The following SLC44A1 variants were observed in gnomAD, a reference collection of about 807,000 sequenced individuals.
SLC44A1 encodes the protein solute carrier family 44 member 1.
Under a neutral mutation model 79.3 loss-of-function variants are expected in SLC44A1, and 26 were observed. That is an observed-to-expected ratio of 0.33 (90% CI 0.24 to 0.46). The LOEUF (loss-of-function observed/expected upper bound fraction) is 0.46, where lower values mean the gene tolerates loss of function less well. Ranked by LOEUF, SLC44A1 falls within the 20% of genes least tolerant of loss-of-function variation. SLC44A1 has a pLI of 1.00. For missense variants in SLC44A1, 688 were observed against 798.1 expected, an observed-to-expected ratio of 0.86 and a Z score of 1.66; for synonymous variants, 263 against 286.2, an observed-to-expected ratio of 0.92 and a Z score of 0.82.
intron 7 of SLC44A1, among the ~76,000 whole-genome samples, chr9:105,358,829 C>G (rs1317120401): frequency 2.0e-5 from 3 of 152,034 alleles, no homozygotes; most frequent in African/African-American, 7.2e-5. Context: ...ACTATGTTTT[C>G]TTTGGTTATC....
In SLC44A1 at chr9:105,389,583, A is replaced by G; in HGVS notation, c.*527A>G. 8.8e-7 allele frequency: 1 copy of G among 1,131,340 alleles called. No homozygotes were observed. The highest frequency in any genetic ancestry group is 1.1e-6 in the Non-Finnish European group (1 of 924,270). The allele number at this position is 1,131,340 out of a possible 1,614,324, so 70.1% of individuals were successfully genotyped here. On this transcript the variant is annotated 3_prime_UTR_variant, in exon 16 of 16. Transcript: ENST00000374720. The stretch of plus-strand genomic sequence containing the variant: ...CCAATCAGTTTTCCCCAATCAAAGA[A>G]GCCATGTCATTTTACTTTTAGAAAC...
intron 8 of SLC44A1, 31 bp from the exon 9 acceptor site, chr9:105,362,790 A>G: frequency 6.7e-7 from 1 of 1,482,542 alleles, no homozygotes; most frequent in Non-Finnish European, 9.0e-7. Context: ...CACTACTTAT[A>G]ATAATAACTG....
At chr9:105,285,671 A>T (rs1299777643) in intron 1 of SLC44A1, among the ~76,000 whole-genome samples, 1 of 152,196 alleles carries the variant, frequency 6.6e-6, no homozygotes, top group Non-Finnish European at 1.5e-5. Context: ...GATCTCACAA[A>T]GTACATTCTC....
At chr9:105,252,145 C>T (rs1829603256) in intron 1 of SLC44A1, among the ~76,000 whole-genome samples, 1 of 152,162 alleles carries the variant, frequency 6.6e-6, no homozygotes, top group South Asian at 2.1e-4. Context: ...TTGTCTATAG[C>T]TGCTTTCATA....
At chr9:105,428,863 G>A (rs566692921) in intron 15 of SLC44A1, among the ~76,000 whole-genome samples, 4 of 152,120 alleles carry the variant, frequency 2.6e-5, no homozygotes, top group East Asian at 1.9e-4. Context: ...GCGCCACCAC[G>A]CCCAGCTAAT....
chr9:105,414,865 T>C (rs1175415589), intron 15 of SLC44A1, among the ~76,000 whole-genome samples: 1 of 152,212 alleles, frequency 6.6e-6, no homozygotes, highest in Admixed American at 6.5e-5. Context: ...TTTGGAATGT[T>C]TATGTCCCAT....
intron 5 of SLC44A1, among the ~76,000 whole-genome samples, chr9:105,351,638 GAAAGAAAGAAAGAA>G (rs1564453052): frequency 1.4e-5 from 2 of 141,674 alleles, no homozygotes; most frequent in African/African-American, 5.6e-5. Context: ...GAAAGAGAAA[GAAAGAAAGAAAGAA>G]AGAAAGAAAG....
At chr9:105,246,301 A>G (rs1040856847) in intron 1 of SLC44A1, among the ~76,000 whole-genome samples, 4 of 151,972 alleles carry the variant, frequency 2.6e-5, no homozygotes, top group Non-Finnish European at 5.9e-5. Flanking sequence ...AGAGAAAATG[A>G]CTAGAATTGC....
At chr9:105,331,488 A>G (rs1231155661) in intron 3 of SLC44A1, among the ~76,000 whole-genome samples, 2 of 152,202 alleles carry the variant, frequency 1.3e-5, no homozygotes, top group Non-Finnish European at 2.9e-5. Flanking sequence ...CTATCAGTTC[A>G]TTTTGTTTAA....
intron 1 of SLC44A1, among the ~76,000 whole-genome samples, chr9:105,263,875 CTTG>C (rs869308583): frequency 2.0e-5 from 3 of 152,058 alleles, no homozygotes; most frequent in African/African-American, 7.2e-5. Flanking sequence ...ATTTCTAGGG[CTTG>C]TTATTTTAAA....
intron 15 of SLC44A1, among the ~76,000 whole-genome samples, chr9:105,422,436 G>A (rs770976092): frequency 6.6e-6 from 1 of 151,812 alleles, no homozygotes; most frequent in Non-Finnish European, 1.5e-5. Flanking sequence ...CTACAGGCGC[G>A]TGCCACCACA....
intron 1 of SLC44A1, among the ~76,000 whole-genome samples, chr9:105,278,786 A>G (rs1830275058): frequency 6.6e-6 from 1 of 152,226 alleles, no homozygotes; most frequent in Admixed American, 6.5e-5. Context: ...ATGCTAAAGT[A>G]AGTCACTTCT....
At chr9:105,425,829 A>G (rs1040292796) in intron 15 of SLC44A1, among the ~76,000 whole-genome samples, 2 of 152,170 alleles carry the variant, frequency 1.3e-5, no homozygotes, top group Admixed American at 1.3e-4. Flanking sequence ...TCAAAAAACA[A>G]ACAAACAAAC....
At position 105,438,378 on chromosome 9, in the gene SLC44A1, C is replaced by T. The variant is rs768735618; in HGVS notation, c.*83C>T. On this transcript the variant is annotated 3_prime_UTR_variant, in exon 16 of 16. Coordinates refer to the SLC44A1 transcript ENST00000374724. ...CCACTCACCAGCTGTTGAGAGTCTGCGATTATGAAGAGCAGGATCTTATTA... is the reference window on the plus strand; with the variant it reads ...CCACTCACCAGCTGTTGAGAGTCTGTGATTATGAAGAGCAGGATCTTATTA... 9.9e-5 allele frequency: 112 copies of T among 1,131,638 alleles called. No individual in the cohort carries two copies. The Middle Eastern group carries it at 1.7e-3, about 18-fold the overall frequency. The allele number at this position is 1,131,638 out of a possible 1,614,324, so 70.1% of individuals were successfully genotyped here. A position where few individuals can be genotyped will look rare whatever the true frequency, so the allele number is the denominator to read the frequency against.
chr9:105,335,619 C>G lies in SLC44A1; in HGVS notation c.326C>G (p.Ser109Cys). Residue 109 changes from serine (S) to cysteine (C), a missense_variant, in exon 4 of 16, where the codon TCT becomes TGT. Transcript: ENST00000374720. ...NLDLINRKIK[S>C]VALCVAACPR... ...GACTTGATAAACCGGAAGATTAAGT[C>G]TGTAGCACTGTGTGTAGCAGCGTGT... 1 of 1,613,448 alleles carries G rather than the reference C, an allele frequency of 6.2e-7. No individual in the cohort carries two copies. The highest frequency in any genetic ancestry group is 8.5e-7 in the Non-Finnish European group (1 of 1,179,506).
In SLC44A1 at chr9:105,331,703, T is replaced by C. The variant is rs557598477; in HGVS notation, c.270-3860T>C. Among the ~76,000 whole-genome samples, 15 of 152,326 alleles carry C rather than the reference T, an allele frequency of 9.8e-5. No homozygotes were observed. In the South Asian group the frequency reaches 3.1e-3, roughly 32 times the overall value. On this transcript the variant is annotated intron_variant, in intron 3 of 15. Coordinates refer to ENST00000374720, the MANE Select transcript of SLC44A1 (RefSeq NM_080546.5). ...GCCATGGATTGGATGAACTTCAGAA[T>C]GCTGGAAACAGAATATTCAAAGTTA...
chr9:105,385,616 G>C, intron 15 of SLC44A1, 114 bp downstream of exon 15: 3 of 1,487,740 alleles, frequency 2.0e-6, no homozygotes, highest in Non-Finnish European at 2.7e-6. Context: ...TCTGTATCAC[G>C]CAGGACATGC....
chr9:105,276,614 G>GTGTGTGTGTA (rs1830212246), intron 1 of SLC44A1, among the ~76,000 whole-genome samples: 1 of 136,046 alleles, frequency 7.4e-6, no homozygotes, highest in Non-Finnish European at 1.6e-5. Flanking sequence ...GTGTGTGTGT[G>GTGTGTGTGTA]TGTGTATGTG....
chr9:105,270,424 T>A (rs1830051726), intron 1 of SLC44A1, among the ~76,000 whole-genome samples: 1 of 152,110 alleles, frequency 6.6e-6, no homozygotes, highest in Non-Finnish European at 1.5e-5. Context: ...CTCCACATCC[T>A]CTCCCCTCCA....
Sources: allele counts gnomAD v4.1 joint callset (sites outside exome capture counted in the v4.1 genomes callset), GRCh38; gene constraint gnomAD v4.1.1; transcripts MANE v1.5; gene names NCBI Gene and HGNC (gene_info 2026-07-23, HGNC 2026-07-21).